OSBPL10: variants seen among roughly 807,000 people sequenced by gnomAD.
OSBPL10 encodes oxysterol binding protein like 10.
Under a neutral mutation model 81.7 loss-of-function variants are expected in OSBPL10, and 49 were observed. The observed-to-expected ratio is 0.60, with a 90% CI of 0.48 to 0.76. The LOEUF is 0.76. OSBPL10 is among the 30% of genes least tolerant of loss of function. The pLI is 0.00. For synonymous variants in OSBPL10, 419 were observed against 383.6 expected (o/e 1.09, Z -1.08); for missense variants, 923 against 987.8 (o/e 0.93, Z 0.88).
chr3:32,050,864 T>C (rs1699664823), intron 1 of OSBPL10, among the ~76,000 whole-genome samples: 1 of 152,074 alleles, frequency 6.6e-6, no homozygotes, highest in South Asian at 2.1e-4. Context: ...TTTCTCCATG[T>C]TGGTCAGCTG....
Position 31,846,733 on chromosome 3 carries a change from C to G in OSBPL10, c.538-16502G>C, listed in dbSNP as rs530432185. On this transcript the variant is annotated intron_variant, in intron 3 of 11. Coordinates refer to ENST00000396556, the MANE Select transcript of OSBPL10 (RefSeq NM_017784.5). ...AAACATATACCACTCTCTTGACTAC[C>G]CTTTGGGCAAATCCAAAGGTCTTAT... Among the ~76,000 whole-genome samples, 5 of 150,916 alleles carry G rather than the reference C, an allele frequency of 3.3e-5. No homozygotes were observed. The East Asian group carries it at 9.7e-4, about 29-fold the overall frequency.
At chr3:31,677,898 G>A (rs1246004174) in intron 8 of OSBPL10, among the ~76,000 whole-genome samples, 5 of 151,250 alleles carry the variant, frequency 3.3e-5, no homozygotes, top group Non-Finnish European at 7.4e-5. Flanking sequence ...TGGCTAACAA[G>A]GTGAAACCCC....
At chr3:31,961,425 A>C (rs1698156422) in intron 1 of OSBPL10, among the ~76,000 whole-genome samples, 1 of 152,178 alleles carries the variant, frequency 6.6e-6, no homozygotes, top group African/African-American at 2.4e-5. Flanking sequence ...GTAAAGTATC[A>C]TTAAAAAGGC....
At chr3:31,824,044 G>T (rs1575568020) in intron 4 of OSBPL10, among the ~76,000 whole-genome samples, 1 of 151,996 alleles carries the variant, frequency 6.6e-6, no homozygotes, top group Admixed American at 6.6e-5. Flanking sequence ...GTAGAGATGG[G>T]GTTTCATTAA....
intron 7 of OSBPL10, among the ~76,000 whole-genome samples, chr3:31,687,244 C>T (rs564139428): frequency 1.7e-4 from 26 of 152,176 alleles, no homozygotes; most frequent in African/African-American, 6.3e-4. Flanking sequence ...AAGATAATTG[C>T]GTAACCTTGG....
intron 6 of OSBPL10, among the ~76,000 whole-genome samples, chr3:31,713,293 C>T (rs538193928): frequency 8.5e-5 from 13 of 152,202 alleles, no homozygotes; most frequent in East Asian, 3.8e-4. Flanking sequence ...TCTTGGAACA[C>T]GCAAAGGACA....
Position 31,758,550 on chromosome 3 carries a change from T to C in OSBPL10, c.730-10430A>G, listed in dbSNP as rs551295717. Among the ~76,000 whole-genome samples the C allele has an allele frequency of 3.9e-5, 6 of 152,304 alleles. No homozygotes were observed. The East Asian group carries it at 1.2e-3, about 29-fold the overall frequency. ...GCCCACTGACACTCCCCCATCCTTT[T>C]GTAGTTTCAACAAAGCAACTGACAG... On this transcript the variant is annotated intron_variant, in intron 4 of 11. Coordinates refer to ENST00000396556, the MANE Select transcript of OSBPL10 (RefSeq NM_017784.5).
chr3:31,816,879 C>T (rs1699847876), intron 4 of OSBPL10, among the ~76,000 whole-genome samples: 1 of 152,048 alleles, frequency 6.6e-6, no homozygotes, highest in African/African-American at 2.4e-5. Context: ...TAGGATGTCT[C>T]CGCAACTCTC....
intron 1 of OSBPL10, among the ~76,000 whole-genome samples, chr3:31,927,510 C>G (rs552532501): frequency 6.6e-6 from 1 of 152,310 alleles, no homozygotes; most frequent in Admixed American, 6.5e-5. Flanking sequence ...GTAAACTGAA[C>G]AACCTATGTC....
intron 3 of OSBPL10, among the ~76,000 whole-genome samples, chr3:31,851,977 C>T (rs1700777895): frequency 6.6e-6 from 1 of 152,200 alleles, no homozygotes; most frequent in African/African-American, 2.4e-5. Flanking sequence ...AGAGTAAAAG[C>T]TCAACTGCAG....
At chr3:31,832,352 T>C (rs77100280) in intron 3 of OSBPL10, among the ~76,000 whole-genome samples, 1 of 152,186 alleles carries the variant, frequency 6.6e-6, no homozygotes, top group South Asian at 2.1e-4. Context: ...CACTTTGAAC[T>C]ATACGTATGT....
At chr3:31,751,444 T>C (rs1172449397) in intron 4 of OSBPL10, among the ~76,000 whole-genome samples, 12 of 152,210 alleles carry the variant, frequency 7.9e-5, no homozygotes. Flanking sequence ...TGAGAGCCGA[T>C]TGCCAATAGC....
At chr3:31,809,861 C>T (rs1219830106) in intron 4 of OSBPL10, among the ~76,000 whole-genome samples, 4 of 133,894 alleles carry the variant, frequency 3.0e-5, no homozygotes, top group Non-Finnish European at 6.0e-5. Flanking sequence ...AATGGGTGCC[C>T]CCTGACTCTT....
intron 1 of OSBPL10, among the ~76,000 whole-genome samples, chr3:31,915,046 A>G (rs1696712095): frequency 6.6e-6 from 1 of 152,120 alleles, no homozygotes; most frequent in Admixed American, 6.5e-5. Context: ...ATCAGAGCTC[A>G]CTGTAACCTT....
At chr3:31,943,407 A>AT (rs929936086) in intron 1 of OSBPL10, among the ~76,000 whole-genome samples, 2 of 151,958 alleles carry the variant, frequency 1.3e-5, no homozygotes, top group African/African-American at 2.4e-5. Context: ...AATACACAGT[A>AT]TTTTTTTTAA....
intron 4 of OSBPL10, among the ~76,000 whole-genome samples, chr3:31,748,369 G>A (rs1644668027): frequency 6.6e-6 from 1 of 152,110 alleles, no homozygotes; most frequent in Non-Finnish European, 1.5e-5. Flanking sequence ...GGGCCATCTG[G>A]GTATATCATT....
chr3:31,838,984 T>G (rs1163098963), intron 3 of OSBPL10, among the ~76,000 whole-genome samples: 1 of 152,212 alleles, frequency 6.6e-6, no homozygotes, highest in Non-Finnish European at 1.5e-5. Context: ...AGCTTACTGC[T>G]TCCCCTCAAG....
At chr3:31,925,089 G>A (rs1048164256) in intron 1 of OSBPL10, among the ~76,000 whole-genome samples, 2 of 152,154 alleles carry the variant, frequency 1.3e-5, no homozygotes, top group African/African-American at 4.8e-5. Flanking sequence ...AAAAAACTCA[G>A]CCAAGGAGAA....
rs1320691847 is a variant in OSBPL10, at chr3:32,060,641, T to C, written n.186-14038A>G. ...TTCAAACAGGCAAATTTGATTGTGT[T>C]GCTCCCCAGCTTTTAAAAAAACCCA... is the stretch of plus-strand genomic sequence containing the variant. On this transcript the variant is annotated intron_variant and non_coding_transcript_variant, in intron 1 of 3. Transcript: ENST00000479173. Among the ~76,000 whole-genome samples, 2 of 36,066 alleles carry C rather than the reference T, an allele frequency of 5.5e-5. 1 individual carries two copies. Among genetic ancestry groups the C allele is most frequent in the Admixed American group, 9.6e-4 (2 of 2,094 alleles). 23.7% of individuals were successfully genotyped at this position (36,066 alleles called of 152,430 possible). A position where few individuals can be genotyped will look rare whatever the true frequency, so the allele number is the denominator to read the frequency against.
Sources: allele counts gnomAD v4.1 joint callset (sites outside exome capture counted in the v4.1 genomes callset), GRCh38; gene constraint gnomAD v4.1.1; transcripts MANE v1.5; gene names NCBI Gene and HGNC (gene_info 2026-07-23, HGNC 2026-07-21).